Variants in DLG2 observed in about 807,000 individuals in gnomAD.
DLG2 encodes the protein discs large MAGUK scaffold protein 2.
A neutral mutation model predicts 132.5 loss-of-function variants in DLG2; 45 were observed. The observed-to-expected ratio is 0.34, with a 90% CI of 0.27 to 0.44. The LOEUF (loss-of-function observed/expected upper bound fraction) is 0.44, where lower values mean the gene tolerates loss of function less well. Among genes scored for constraint, DLG2 ranks in the 20% least tolerant of loss-of-function variants. The pLI, the probability that DLG2 is intolerant of heterozygous loss-of-function variation, is 1.00. For missense variants in DLG2, 1,045 were observed against 1,196.9 expected (o/e 0.87, Z 1.87); for synonymous variants, 424 against 419.6 (o/e 1.01, Z -0.13).
chr11:85,429,844 C>G (rs1020205986), intron 3 of DLG2, among the ~76,000 whole-genome samples: 3 of 152,140 alleles, frequency 2.0e-5, no homozygotes, highest in African/African-American at 7.2e-5. Context: ...TTGACCCAGC[C>G]ATCCCATTAC....
At chr11:85,429,319 C>CA (rs1052832457) in intron 3 of DLG2, among the ~76,000 whole-genome samples, 1 of 151,884 alleles carries the variant, frequency 6.6e-6, no homozygotes, top group Non-Finnish European at 1.5e-5. Flanking sequence ...AGAGACACAA[C>CA]AAAAAAAGAA....
chr11:84,542,622 A>C (rs1591964036), intron 6 of DLG2, among the ~76,000 whole-genome samples: 1 of 152,194 alleles, frequency 6.6e-6, no homozygotes, highest in Non-Finnish European at 1.5e-5. Context: ...GCTTGGGCTG[A>C]AAGGAAGCAC....
intron 6 of DLG2, among the ~76,000 whole-genome samples, chr11:84,692,615 C>T (rs1421172673): frequency 6.6e-6 from 1 of 151,704 alleles, no homozygotes; most frequent in Admixed American, 6.6e-5. Flanking sequence ...AATAATTAAG[C>T]ATATAAATGA....
At chr11:84,645,207 C>T (rs1254022752) in intron 6 of DLG2, among the ~76,000 whole-genome samples, 1 of 152,124 alleles carries the variant, frequency 6.6e-6, no homozygotes, top group Non-Finnish European at 1.5e-5. Context: ...GCTATGTGCT[C>T]TTGGGCAAAC....
chr11:83,606,926 C>CA (rs1377979211), intron 19 of DLG2, among the ~76,000 whole-genome samples: 1 of 150,188 alleles, frequency 6.7e-6, no homozygotes, highest in African/African-American at 2.5e-5. Flanking sequence ...GACTCCGTCT[C>CA]AAAAAAAGAA....
chr11:84,772,999 A>G (rs1441916164), intron 6 of DLG2, among the ~76,000 whole-genome samples: 1 of 152,162 alleles, frequency 6.6e-6, no homozygotes, highest in Non-Finnish European at 1.5e-5. Flanking sequence ...AACAAAACCA[A>G]AACTTGGTTA....
At chr11:83,826,521 T>C (rs1247896280) in intron 17 of DLG2, among the ~76,000 whole-genome samples, 2 of 151,958 alleles carry the variant, frequency 1.3e-5, no homozygotes, top group Non-Finnish European at 2.9e-5. Flanking sequence ...TGCAGTGGGT[T>C]AGAGAGAGAG....
At chr11:84,635,296 C>T (rs970272934) in intron 6 of DLG2, among the ~76,000 whole-genome samples, 5 of 152,110 alleles carry the variant, frequency 3.3e-5, no homozygotes, top group Admixed American at 2.0e-4. Context: ...CTTCTATATT[C>T]CTTACCCACC....
intron 6 of DLG2, among the ~76,000 whole-genome samples, chr11:84,558,394 G>A (rs12223009): frequency 0.2 from 29,757 of 151,900 alleles, 2,983 homozygotes; most frequent in South Asian, 0.31. Context: ...AATTCTTATG[G>A]GTATAGCACA....
intron 15 of DLG2, among the ~76,000 whole-genome samples, chr11:83,902,586 G>C (rs933792168): frequency 2.6e-5 from 4 of 152,114 alleles, no homozygotes; most frequent in Non-Finnish European, 5.9e-5. Context: ...ATCTAGAAAA[G>C]GGAAAGCTCT....
intron 6 of DLG2, among the ~76,000 whole-genome samples, chr11:84,641,525 C>T (rs1017375036): frequency 2.6e-5 from 4 of 152,056 alleles, no homozygotes; most frequent in East Asian, 1.9e-4. Flanking sequence ...TGCATGTTTC[C>T]GGGAGAGTCA....
chr11:84,997,326 T>A (rs2154128910), intron 6 of DLG2: 1 of 152,278 alleles, frequency 6.6e-6, no homozygotes, highest in East Asian at 1.9e-4. Flanking sequence ...TTTTGCTGAA[T>A]CCTCCAGGCA....
intron 11 of DLG2, among the ~76,000 whole-genome samples, chr11:84,005,687 G>T (rs2094542021): frequency 6.6e-6 from 1 of 151,816 alleles, no homozygotes; most frequent in African/African-American, 2.4e-5. Flanking sequence ...GGCATTAATA[G>T]ACATTTCTCA....
chr11:85,002,534 A>G (rs997648771), intron 6 of DLG2, among the ~76,000 whole-genome samples: 8 of 152,248 alleles, frequency 5.3e-5, no homozygotes, highest in Admixed American at 1.3e-4. Context: ...TTCCTTTTTT[A>G]TCATCATCTA....
intron 3 of DLG2, among the ~76,000 whole-genome samples, chr11:85,340,335 T>C (rs2082399829): frequency 6.6e-6 from 1 of 152,202 alleles, no homozygotes; most frequent in Admixed American, 6.5e-5. Context: ...TCATGTCCTT[T>C]GCAGGGACAT....
intron 8 of DLG2, 47 bp downstream of exon 8, chr11:84,251,191 G>T: frequency 1.6e-6 from 2 of 1,224,220 alleles, no homozygotes; most frequent in Non-Finnish European, 2.3e-6. Context: ...AGCCAATTAA[G>T]TTCTACCACA....
chr11:85,412,804 C>T (rs2089465884), intron 3 of DLG2, among the ~76,000 whole-genome samples: 1 of 148,552 alleles, frequency 6.7e-6, no homozygotes, highest in South Asian at 2.1e-4. Context: ...TCTTAATCCA[C>T]TCATTGATGG....
chr11:83,887,901 G>T (rs577836780), intron 15 of DLG2, among the ~76,000 whole-genome samples: 1 of 149,742 alleles, frequency 6.7e-6, no homozygotes, highest in South Asian at 2.2e-4. Context: ...ATTCAACAAC[G>T]CTTCATGCTA....
chr11:84,693,944 T>C (rs575967359), intron 6 of DLG2, among the ~76,000 whole-genome samples: 1 of 151,662 alleles, frequency 6.6e-6, no homozygotes, highest in East Asian at 1.9e-4. Context: ...CTCCTCTCTA[T>C]GGGTTTTTTG....
Sources: allele counts gnomAD v4.1 joint callset (sites outside exome capture counted in the v4.1 genomes callset), GRCh38; gene constraint gnomAD v4.1.1; transcripts MANE v1.5; gene names NCBI Gene and HGNC (gene_info 2026-07-23, HGNC 2026-07-21).